PALLD: variants seen among roughly 807,000 people sequenced by gnomAD.
PALLD encodes the protein palladin, cytoskeletal associated protein.
Under a neutral mutation model 123.5 loss-of-function variants are expected in PALLD, and 61 were observed. The observed-to-expected ratio is 0.49, with a 90% CI of 0.40 to 0.61. The LOEUF (loss-of-function observed/expected upper bound fraction) is 0.61, where lower values mean the gene tolerates loss of function less well. PALLD is among the 20% of genes least tolerant of loss of function. The pLI is 0.00. For missense variants in PALLD, 1,273 were observed against 1,377.0 expected (o/e 0.92, Z 1.20); for synonymous variants, 465 against 496.4 (o/e 0.94, Z 0.84).
intron 2 of PALLD, among the ~76,000 whole-genome samples, chr4:168,600,610 A>G (rs1006428942): frequency 2.0e-5 from 3 of 152,190 alleles, no homozygotes; most frequent in African/African-American, 7.2e-5. Context: ...AACTTTAGGA[A>G]AAACATGAAC....
intron 10 of PALLD, among the ~76,000 whole-genome samples, chr4:168,805,594 C>A (rs1302926332): frequency 2.0e-5 from 3 of 152,124 alleles, no homozygotes; most frequent in African/African-American, 7.2e-5. Flanking sequence ...GCGTGTGTTT[C>A]CACCAGTTGG....
intron 2 of PALLD, among the ~76,000 whole-genome samples, chr4:168,622,392 C>T (rs375662118): frequency 6.6e-6 from 1 of 152,182 alleles, no homozygotes; most frequent in African/African-American, 2.4e-5. Flanking sequence ...TCCAGTCTTG[C>T]TCAAACAATG....
chr4:168,531,712 A>G (rs1764616916), intron 2 of PALLD, among the ~76,000 whole-genome samples: 1 of 152,194 alleles, frequency 6.6e-6, no homozygotes, highest in Non-Finnish European at 1.5e-5. Context: ...TACAGTGAAG[A>G]TATAATGTAG....
intron 10 of PALLD, among the ~76,000 whole-genome samples, chr4:168,729,390 C>T (rs145957995): frequency 0.023 from 3,538 of 152,004 alleles, 118 homozygotes; most frequent in African/African-American, 0.071. Flanking sequence ...TCTTGAACTC[C>T]TGGGCTCAAG....
intron 2 of PALLD, among the ~76,000 whole-genome samples, chr4:168,636,397 A>T (rs1406693260): frequency 1.3e-5 from 2 of 152,200 alleles, no homozygotes; most frequent in East Asian, 3.8e-4. Context: ...AGGCGAGAAG[A>T]TCGCTTGAGC....
rs774078101 is a variant in PALLD, at chr4:168,924,285, T to C, written c.3089T>C (p.Ile1030Thr). Residue 1030 changes from isoleucine to threonine, a missense_variant, in exon 19 of 22, where the codon ATT (isoleucine) becomes ACT (threonine). By Grantham distance (89) the Ile-to-Thr change is moderately conservative. Around this residue, in one of 2 missense-constraint regions of PALLD, gnomAD observed 329 missense variants for 422.5 expected, o/e 0.78. Coordinates refer to ENST00000505667, the MANE Select transcript of PALLD (RefSeq NM_001166108.2). ...AKEAHKPPVF[I>T]EKLQNTGVAD... ...GAAGCACACAAACCCCCTGTGTTTA[T>C]TGAGAAGCTCCAAAACACAGGAGTT... The C allele has an allele frequency of 1.5e-5, 25 of 1,613,876 alleles. No homozygotes were observed. Among genetic ancestry groups the C allele is most frequent in the African/African-American group, 5.3e-5 (4 of 74,908 alleles).
chr4:168,734,586 G>A (rs1787538762), intron 10 of PALLD, among the ~76,000 whole-genome samples: 1 of 152,074 alleles, frequency 6.6e-6, no homozygotes, highest in African/African-American at 2.4e-5. Context: ...TATTTCATCT[G>A]TCTTGCTCTG....
intron 10 of PALLD, among the ~76,000 whole-genome samples, chr4:168,814,491 T>C (rs1741624408): frequency 6.6e-6 from 1 of 152,218 alleles, no homozygotes; most frequent in Non-Finnish European, 1.5e-5. Flanking sequence ...TTGGGAATTC[T>C]GATTTAAAAT....
At chr4:168,608,912 A>G (rs1032834741) in intron 2 of PALLD, among the ~76,000 whole-genome samples, 4 of 151,722 alleles carry the variant, frequency 2.6e-5, no homozygotes, top group African/African-American at 9.7e-5. Context: ...GTTTTCCACA[A>G]AGAAGGGGAC....
intron 3 of PALLD, among the ~76,000 whole-genome samples, chr4:168,672,334 A>C (rs958318119): frequency 1.3e-5 from 2 of 152,204 alleles, no homozygotes; most frequent in African/African-American, 2.4e-5. Flanking sequence ...ATGGAACATT[A>C]GAACGTATTC....
intron 2 of PALLD, among the ~76,000 whole-genome samples, chr4:168,565,993 A>G (rs1296406532): frequency 2.0e-5 from 3 of 152,066 alleles, no homozygotes; most frequent in Non-Finnish European, 4.4e-5. Context: ...ATACTCTTAG[A>G]ACTTTTGACC....
rs1474793366 is a variant in PALLD at position 168,878,052 on chromosome 4, T to C, written c.1965-12870T>C. ...AGCTCGTCCAGCCTCCCGTCGCCCA[T>C]GTCCCCGACGCCGAGGCAGTTCGGC... On this transcript the variant is annotated intron_variant, in intron 10 of 21. Coordinates refer to ENST00000505667, the MANE Select transcript of PALLD (RefSeq NM_001166108.2). The C allele has an allele frequency of 4.7e-6, 7 of 1,482,518 alleles. No homozygotes were observed. The highest frequency in any genetic ancestry group is 2.5e-5 in the South Asian group (2 of 78,914). 91.8% of individuals were successfully genotyped at this position (1,482,518 alleles called of 1,614,324 possible).
rs570441056 is a variant in PALLD, at chr4:168,512,659, T to C, written c.908+247T>C. On this transcript the variant is annotated intron_variant, in intron 2 of 21. Transcript: ENST00000505667. ...AAGGACTTGAGAAGGCAAAGAGCAG[T>C]GGAAACAGTTTGTTCTCTAAGATGG... 2.6e-5 allele frequency among the ~76,000 whole-genome samples: 4 copies of C among 152,278 alleles called. No homozygotes were observed. In the South Asian group the frequency reaches 8.3e-4, roughly 32 times the overall value.
intron 10 of PALLD, among the ~76,000 whole-genome samples, chr4:168,835,271 A>T (rs1744979951): frequency 6.6e-6 from 1 of 152,232 alleles, no homozygotes. Context: ...ATTGCCTCCC[A>T]TTCAGTATTT....
chr4:168,659,931 A>G (rs1460020440), intron 2 of PALLD, among the ~76,000 whole-genome samples: 1 of 152,232 alleles, frequency 6.6e-6, no homozygotes, highest in African/African-American at 2.4e-5. Flanking sequence ...AAGCAATGCC[A>G]TATGTGATTT....
intron 2 of PALLD, among the ~76,000 whole-genome samples, chr4:168,521,848 C>T (rs1047742311): frequency 3.3e-5 from 5 of 152,156 alleles, no homozygotes; most frequent in Admixed American, 6.5e-5. Flanking sequence ...GGGATACTTT[C>T]CCTTGGTCTC....
chr4:168,879,278 T>C (rs1190092988), intron 10 of PALLD, among the ~76,000 whole-genome samples: 1 of 152,144 alleles, frequency 6.6e-6, no homozygotes, highest in Non-Finnish European at 1.5e-5. Context: ...AGAAGTACAG[T>C]AAAATCCTCA....
intron 10 of PALLD, among the ~76,000 whole-genome samples, chr4:168,746,380 C>CAAAAAAAAAA (rs747755592): frequency 0.016 from 582 of 37,006 alleles, 97 homozygotes; most frequent in Middle Eastern, 0.031. Context: ...GAACCCGTCT[C>CAAAAAAAAAA]AAAAAAAAAA....
chr4:168,622,878 C>G (rs1478638068), intron 2 of PALLD, among the ~76,000 whole-genome samples: 1 of 152,236 alleles, frequency 6.6e-6, no homozygotes, highest in Non-Finnish European at 1.5e-5. Context: ...CACACTCAAG[C>G]TGTTCCAAAG....
Sources: gnomAD v4.1 joint callset for allele counts (sites outside exome capture counted in the v4.1 genomes callset) on GRCh38, gnomAD v4.1.1 for gene constraint, gnomAD v4.1.1 regional missense constraint, MANE v1.5 for transcripts, NCBI Gene and HGNC (gene_info 2026-07-23, HGNC 2026-07-21) for gene names.